The following TNR variants were observed in gnomAD, a reference collection of about 807,000 sequenced individuals.
TNR encodes the protein tenascin R.
Under a neutral mutation model 150.4 loss-of-function variants are expected in TNR, and 45 were observed. The observed-to-expected ratio is 0.30, with a 90% CI of 0.24 to 0.38. The LOEUF (loss-of-function observed/expected upper bound fraction) is 0.38, where lower values mean the gene tolerates loss of function less well. Ranked by LOEUF, TNR falls within the 10% of genes least tolerant of loss-of-function variation. The pLI is 1.00. For synonymous variants in TNR, 687 were observed against 678.4 expected (o/e 1.01, Z -0.20); for missense variants, 1,544 against 1,759.1 (o/e 0.88, Z 2.19).
intron 2 of TNR, among the ~76,000 whole-genome samples, chr1:175,458,492 G>C (rs1396818447): frequency 1.3e-5 from 2 of 152,178 alleles, no homozygotes; most frequent in Non-Finnish European, 2.9e-5. Context: ...TAAGGCAAAT[G>C]AGTAAGGTTT....
intron 1 of TNR, among the ~76,000 whole-genome samples, chr1:175,721,768 G>T (rs1341649097): frequency 2.6e-5 from 4 of 152,082 alleles, no homozygotes; most frequent in African/African-American, 9.7e-5. Flanking sequence ...TGAAGAGCAA[G>T]TTCTTCCCAG....
intron 1 of TNR, among the ~76,000 whole-genome samples, chr1:175,726,956 G>A (rs80195868): frequency 0.014 from 2,131 of 152,200 alleles, 20 homozygotes; most frequent in Non-Finnish European, 0.023. Flanking sequence ...TGGCATGTAA[G>A]GAGTGACAGC....
chr1:175,581,986 A>G (rs897881328), intron 1 of TNR, among the ~76,000 whole-genome samples: 6 of 152,338 alleles, frequency 3.9e-5, no homozygotes, highest in African/African-American at 4.8e-5. Context: ...CCTGCAGGCC[A>G]GAATCTAGGA....
chr1:175,675,525 G>A (rs576259432), intron 1 of TNR, among the ~76,000 whole-genome samples: 1 of 152,356 alleles, frequency 6.6e-6, no homozygotes, highest in East Asian at 1.9e-4. Flanking sequence ...CAAGCATGCA[G>A]GTATCATGGT....
chr1:175,703,058 T>TAA (rs11320291), intron 1 of TNR, among the ~76,000 whole-genome samples: 6 of 143,868 alleles, frequency 4.2e-5, no homozygotes, highest in African/African-American at 1.0e-4. Flanking sequence ...AGGAAAGAAG[T>TAA]AAAAAAAAAA....
rs191852250 is a variant in TNR at position 175,482,375 on chromosome 1, T to C, written c.-64+45894A>G. Among the ~76,000 whole-genome samples the C allele has an allele frequency of 2.7e-3, 413 of 152,320 alleles. 1 individual carries two copies. Among genetic ancestry groups the C allele is most frequent in the African/African-American group, 9.5e-3 (395 of 41,570 alleles). On this transcript the variant is annotated intron_variant, in intron 2 of 22. Transcript: ENST00000367674. ...GAGACCGGAAGGGATAAAACTTTTCTTGCTGAACATAATGAACCAGAGTTA... is the reference window on the plus strand; with the variant it reads ...GAGACCGGAAGGGATAAAACTTTTCCTGCTGAACATAATGAACCAGAGTTA...
chr1:175,476,878 G>A (rs1407252606), intron 2 of TNR, among the ~76,000 whole-genome samples: 1 of 152,154 alleles, frequency 6.6e-6, no homozygotes, highest in East Asian at 1.9e-4. Flanking sequence ...GGTCTTTAGA[G>A]ACCCGTAACA....
chr1:175,340,184 T>G (rs927235622), intron 18 of TNR, among the ~76,000 whole-genome samples: 2 of 152,164 alleles, frequency 1.3e-5, no homozygotes, highest in African/African-American at 4.8e-5. Flanking sequence ...GACCATGCTT[T>G]CTTCCTTCCA....
intron 1 of TNR, among the ~76,000 whole-genome samples, chr1:175,729,326 A>C (rs1667565930): frequency 6.6e-6 from 1 of 152,092 alleles, no homozygotes; most frequent in African/African-American, 2.4e-5. Context: ...TCCAGAAGAG[A>C]AGGGATTTAA....
chr1:175,348,967 G>A (rs1281758756), intron 18 of TNR, among the ~76,000 whole-genome samples: 1 of 151,922 alleles, frequency 6.6e-6, no homozygotes, highest in Non-Finnish European at 1.5e-5. Flanking sequence ...AACACTCAAA[G>A]GACTAAAAAA....
At chr1:175,573,130 A>G (rs191513849) in intron 1 of TNR, among the ~76,000 whole-genome samples, 3 of 152,364 alleles carry the variant, frequency 2.0e-5, no homozygotes, top group East Asian at 3.9e-4. Flanking sequence ...GACGTTGACC[A>G]TAGAGGTATT....
chr1:175,326,097 CT>C (rs1649374555), intron 21 of TNR, among the ~76,000 whole-genome samples: 1 of 152,072 alleles, frequency 6.6e-6, no homozygotes, highest in Non-Finnish European at 1.5e-5. Flanking sequence ...GTGGAATAGA[CT>C]GCTTAAAGAG....
chr1:175,356,345 C>T lies in TNR; in HGVS notation c.3092G>A (p.Gly1031Asp), dbSNP rs1471944202. 2 of 1,614,018 alleles carry T rather than the reference C, an allele frequency of 1.2e-6. No individual in the cohort carries two copies. Among genetic ancestry groups the T allele is most frequent in the Non-Finnish European group, 1.7e-6 (2 of 1,179,942 alleles). ...AGTAGAAAAGTTGGTGCTGATGGTG[C>T]CACTGGTGAGAGGTCCATTGGTGGC... ...MYATNGPLTSGTISTNFSTLL... is the reference protein window; with the variant it reads ...MYATNGPLTSDTISTNFSTLL... Residue 1031 changes from glycine (G) to aspartate (D), a missense_variant, in exon 16 of 23, where the codon GGC becomes GAC. Physicochemically the swap from Gly to Asp is moderately conservative, Grantham distance 94. This residue lies in a region of TNR where 1,254 missense variants were observed against 1,329.4 expected (regional missense o/e 0.94). Coordinates refer to ENST00000367674, the MANE Select transcript of TNR (RefSeq NM_003285.3).
In TNR at chr1:175,571,298, T is replaced by C. The variant is rs576114935; in HGVS notation, c.-164-42929A>G. ...TGCCTTTTTAAAGCCCCATCTTCTTTTGAATCTCAGTAAAAATATAATTCT... is the reference window on the plus strand; with the variant it reads ...TGCCTTTTTAAAGCCCCATCTTCTTCTGAATCTCAGTAAAAATATAATTCT... On this transcript the variant is annotated intron_variant, in intron 1 of 22. Transcript: ENST00000367674. Among the ~76,000 whole-genome samples, 36 of 152,316 alleles carry C rather than the reference T, an allele frequency of 2.4e-4. No homozygotes were observed. In the South Asian group the frequency reaches 7.3e-3, roughly 31 times the overall value.
intron 1 of TNR, among the ~76,000 whole-genome samples, chr1:175,598,370 G>C (rs889593862): frequency 6.6e-6 from 1 of 152,212 alleles, no homozygotes; most frequent in Non-Finnish European, 1.5e-5. Flanking sequence ...CACTTCATTA[G>C]TTATATCATT....
At chr1:175,331,617 G>A (rs1449651444) in intron 20 of TNR, among the ~76,000 whole-genome samples, 1 of 151,890 alleles carries the variant, frequency 6.6e-6, no homozygotes, top group Non-Finnish European at 1.5e-5. Context: ...CCATGCCCTG[G>A]GACTCTCCAA....
At chr1:175,723,257 T>A (rs570004453) in intron 1 of TNR, among the ~76,000 whole-genome samples, 1 of 152,332 alleles carries the variant, frequency 6.6e-6, no homozygotes, top group African/African-American at 2.4e-5. Flanking sequence ...GACAGAGGCA[T>A]CTAAACATAT....
intron 1 of TNR, among the ~76,000 whole-genome samples, chr1:175,616,555 C>G (rs1450845902): frequency 3.9e-5 from 6 of 152,174 alleles, no homozygotes; most frequent in African/African-American, 1.2e-4. Context: ...AACAAAATCT[C>G]TTCTCTGGAA....
At chr1:175,731,090 C>G (rs1667626072) in intron 1 of TNR, among the ~76,000 whole-genome samples, 1 of 152,162 alleles carries the variant, frequency 6.6e-6, no homozygotes, top group Non-Finnish European at 1.5e-5. Flanking sequence ...GTGCCAAAGT[C>G]TCTAAATGAC....
Sources: gnomAD v4.1 joint callset for allele counts (sites outside exome capture counted in the v4.1 genomes callset) on GRCh38, gnomAD v4.1.1 for gene constraint, gnomAD v4.1.1 regional missense constraint, MANE v1.5 for transcripts, NCBI Gene and HGNC (gene_info 2026-07-23, HGNC 2026-07-21) for gene names.